GIT1: variants seen among roughly 807,000 people sequenced by gnomAD.
GIT1 encodes the protein ARF GTPase-activating protein GIT1.
GIT1 carries 14 observed loss-of-function variants against 91.7 expected under a neutral mutation model. The ratio of observed to expected loss-of-function variants is 0.15; its 90% CI spans 0.10 to 0.24. The LOEUF (loss-of-function observed/expected upper bound fraction) is 0.24, where lower values mean the gene tolerates loss of function less well. Among genes scored for constraint, GIT1 ranks in the 10% least tolerant of loss-of-function variants. The pLI, the probability that GIT1 is intolerant of heterozygous loss-of-function variation, is 1.00. For missense variants in GIT1, 717 were observed against 1,024.9 expected, an observed-to-expected ratio of 0.70 and a Z score of 4.10; for synonymous variants, 414 against 418.2, an observed-to-expected ratio of 0.99 and a Z score of 0.12.
At position 29,575,150 on chromosome 17, in the gene GIT1, G is replaced by A; in HGVS notation, c.2010-8C>T. On this transcript the variant is annotated splice_region_variant and splice_polypyrimidine_tract_variant and intron_variant, in intron 18 of 19. Transcript: ENST00000225394. This position sits in a 1 kb window ranked among gnomAD's most constrained non-coding sequence, Gnocchi z 5.5. ...TCTGAGCAGGGCACGAAGCTGCGGG[G>A]AGAAGGGAGGCTATAAAGCAGGGGG... 6.3e-7 allele frequency: 1 copy of A among 1,593,588 alleles called. No homozygotes were observed. The highest frequency in any genetic ancestry group is 8.6e-7 in the Non-Finnish European group (1 of 1,166,858).
chr17:29,575,979 C>A lies in GIT1; in HGVS notation c.1666-81G>T. The A allele has an allele frequency of 2.0e-6, 3 of 1,531,526 alleles. No individual in the cohort carries two copies. The highest frequency in any genetic ancestry group is 2.7e-6 in the Non-Finnish European group (3 of 1,107,362). The allele number at this position is 1,531,526 out of a possible 1,614,324, so 94.9% of individuals were successfully genotyped here. A position where few individuals can be genotyped will look rare whatever the true frequency, so the allele number is the denominator to read the frequency against. ...ACCAGCAGTGCAGCAGGGACCAGGT[C>A]AGTCTAATCATCTTAAGCCCCGAAT... On this transcript the variant is annotated intron_variant, in intron 15 of 19. Coordinates refer to ENST00000225394, the MANE Select transcript of GIT1 (RefSeq NM_014030.4). The surrounding 1 kb of genome is among the most constrained non-coding windows in gnomAD (Gnocchi z 5.5).
At chr17:29,587,797 G>T (rs564609417) in intron 1 of GIT1, among the ~76,000 whole-genome samples, 1 of 152,262 alleles carries the variant, frequency 6.6e-6, no homozygotes, top group Non-Finnish European at 1.5e-5. Flanking sequence ...CTAAGCCCCA[G>T]ACTCCCCCGA....
Position 29,574,633 on chromosome 17 carries a change from T to C in GIT1, c.*69A>G. The C allele has an allele frequency of 8.0e-7, 1 of 1,245,468 alleles. No individual in the cohort carries two copies. Among genetic ancestry groups the C allele is most frequent in the Non-Finnish European group, 1.2e-6 (1 of 850,308 alleles). The allele number at this position is 1,245,468 out of a possible 1,614,324, so 77.2% of individuals were successfully genotyped here. A position where few individuals can be genotyped will look rare whatever the true frequency, so the allele number is the denominator to read the frequency against. ...GTGGCTCTGTTGGGGTGGGGATTAA[T>C]GTCTGGAGTGGCCCAGCTCCTATGG... On this transcript the variant is annotated 3_prime_UTR_variant, in exon 20 of 20. Coordinates refer to ENST00000225394, the MANE Select transcript of GIT1 (RefSeq NM_014030.4).
chr17:29,575,886 C>A lies in GIT1; in HGVS notation c.1678G>T (p.Val560Leu), dbSNP rs764051634. 6.2e-7 allele frequency: 1 copy of A among 1,608,676 alleles called. No individual in the cohort carries two copies. Among genetic ancestry groups the A allele is most frequent in the Admixed American group, 1.7e-5 (1 of 59,150 alleles). ...GTGAAGGGCACAGCTGAGGCAGACA[C>A]CCCTTTCCGGATCTGAAACCCAGGG... ...PAGLYRIRKG[V>L]SASAVPFTPS... Residue 560 changes from valine (V) to leucine (L), a missense_variant, in exon 16 of 20, where the codon GTG becomes TTG. By Grantham distance (32) the Val-to-Leu change is conservative. This residue lies in a region of GIT1 where 312 missense variants were observed against 349.5 expected (regional missense o/e 0.89). Transcript: ENST00000225394. This position sits in a 1 kb window ranked among gnomAD's most constrained non-coding sequence, Gnocchi z 5.5.
In GIT1 at chr17:29,574,859, T is replaced by A. The variant is rs375882746; in HGVS notation, c.2129A>T (p.Tyr710Phe). The A allele has an allele frequency of 6.3e-7, 1 of 1,596,732 alleles. No homozygotes were observed. Among genetic ancestry groups the A allele is most frequent in the African/African-American group, 1.3e-5 (1 of 74,696 alleles). The stretch of plus-strand genomic sequence containing the variant: ...CTTCCGGCACTCACTCTGCAGCCGG[T>A]AGGCGCTGGCGTTGAGCAGCCGCAG... ...SSLRLLNASAYRLQSECRKTV... is the reference protein window; with the variant it reads ...SSLRLLNASAFRLQSECRKTV... Residue 710 changes from tyrosine (Y) to phenylalanine (F), a missense_variant, in exon 20 of 20, where the codon TAC becomes TTC. Physicochemically the swap from Tyr to Phe is conservative, Grantham distance 22. Coordinates refer to ENST00000225394, the MANE Select transcript of GIT1 (RefSeq NM_014030.4).
Position 29,576,897 on chromosome 17 carries a change from C to T in GIT1, c.1193G>A (p.Arg398His), listed in dbSNP as rs1435341997. Reference sequence around the variant, plus strand: ...GTTGCTCCGAGTGGCGCCGGTGCTGCGCAGGGGCTCCTGGTCTGTGTCCTC... The same window carrying T: ...GTTGCTCCGAGTGGCGCCGGTGCTGTGCAGGGGCTCCTGGTCTGTGTCCTC... ...SDEDTDQEPL[R>H]STGATRSNRA... The change falls in exon 12 of 20, where the codon CGC becomes CAC. Residue 398 changes from arginine to histidine, a missense_variant. This residue lies in a region of GIT1 where 312 missense variants were observed against 349.5 expected (regional missense o/e 0.89). Coordinates refer to ENST00000225394, the MANE Select transcript of GIT1 (RefSeq NM_014030.4). 2 of 1,576,438 alleles carry T rather than the reference C, an allele frequency of 1.3e-6. No homozygotes were observed. Among genetic ancestry groups the T allele is most frequent in the South Asian group, 1.1e-5 (1 of 87,738 alleles).
In GIT1 at chr17:29,574,879, C is replaced by A. The variant is rs1156897610; in HGVS notation, c.2109G>T (p.Arg703=). 1 of 1,579,592 alleles carries A rather than the reference C, an allele frequency of 6.3e-7. No individual in the cohort carries two copies. The highest frequency in any genetic ancestry group is 8.6e-7 in the Non-Finnish European group (1 of 1,165,998). Reference sequence around the variant, plus strand: ...GCCGGTAGGCGCTGGCGTTGAGCAGCCGCAGTGAGCTCCGCACTGGCTCCA... The same window carrying A: ...GCCGGTAGGCGCTGGCGTTGAGCAGACGCAGTGAGCTCCGCACTGGCTCCA... ...PALEPVRSSL[R]LLNASAYRLQ... Residue 703 remains arginine, a synonymous_variant, in exon 20 of 20, where the codon CGG becomes CGT. Coordinates refer to ENST00000225394, the MANE Select transcript of GIT1 (RefSeq NM_014030.4).
In GIT1 at chr17:29,574,700, G is replaced by A; in HGVS notation, c.*2C>T. On this transcript the variant is annotated 3_prime_UTR_variant, in exon 20 of 20. Transcript: ENST00000225394. ...GTGCAGGTGAGGGTGTGGGGAGAGA[G>A]GTCACTGCTTCTTCTCTCGGGTGGT... 1 of 1,608,030 alleles carries A rather than the reference G, an allele frequency of 6.2e-7. No homozygotes were observed. The highest frequency in any genetic ancestry group is 1.1e-5 in the South Asian group (1 of 90,894).
At position 29,581,843 on chromosome 17, in the gene GIT1, G is replaced by C. The variant is rs1165406823; in HGVS notation, c.624-7C>G. ...CTCATGGTGCCCCGCCTGCCTGTGA[G>C]GAGGGGGTATGGCTCAGACCTGCAG... On this transcript the variant is annotated splice_polypyrimidine_tract_variant and splice_region_variant and intron_variant, in intron 5 of 19. Coordinates refer to ENST00000225394, the MANE Select transcript of GIT1 (RefSeq NM_014030.4). The surrounding 1 kb of genome is among the most constrained non-coding windows in gnomAD (Gnocchi z 4.8). The C allele has an allele frequency of 6.2e-7, 1 of 1,612,332 alleles. No homozygotes were observed. The highest frequency in any genetic ancestry group is 2.2e-5 in the East Asian group (1 of 44,824).
chr17:29,576,805 C>G, intron 12 of GIT1, 58 bp downstream of exon 12: 1 of 1,575,402 alleles, frequency 6.3e-7, no homozygotes, highest in Non-Finnish European at 8.6e-7. Flanking sequence ...CAGAGCTGGG[C>G]CTCAGCGAAG....
intron 1 of GIT1, among the ~76,000 whole-genome samples, chr17:29,586,201 C>T (rs2033589786): frequency 6.6e-6 from 1 of 152,230 alleles, no homozygotes; most frequent in African/African-American, 2.4e-5. Context: ...TGTTCTATAA[C>T]ATGCTTGTCT....
Position 29,582,981 on chromosome 17 carries a change from C to T in GIT1, c.243G>A (p.Leu81=), listed in dbSNP as rs368202284. Residue 81 remains leucine, a synonymous_variant, in exon 3 of 20, where the codon CTG becomes CTA. Coordinates refer to ENST00000225394, the MANE Select transcript of GIT1 (RefSeq NM_014030.4). ...GANSIWEHSL[L]DPAQVQSGRR... is the part of the protein sequence containing the mutation. ...GGCCGCTCTGCACTTGTGCGGGGTC[C>T]AGCAGGGAGTGCTCCCAGATGGAGT... 6.8e-5 allele frequency: 110 copies of T among 1,612,280 alleles called. No homozygotes were observed. The highest frequency in any genetic ancestry group is 8.5e-5 in the Non-Finnish European group (100 of 1,179,912).
chr17:29,575,865 A>G lies in GIT1; in HGVS notation c.1699T>C (p.Phe567Leu). ...RKGVSASAVP[F>L]TPSSPLLSCS... ...GACAGCAGCGGGGAGGAGGGAGTGA[A>G]GGGCACAGCTGAGGCAGACACCCCT... is the stretch of plus-strand genomic sequence containing the variant. Residue 567 changes from phenylalanine to leucine, a missense_variant, in exon 16 of 20, where the codon TTC becomes CTC. By Grantham distance (22) the Phe-to-Leu change is conservative (BLOSUM62 0). Transcript: ENST00000225394. This position sits in a 1 kb window ranked among gnomAD's most constrained non-coding sequence, Gnocchi z 5.5. 6.2e-7 allele frequency: 1 copy of G among 1,611,652 alleles called. No homozygotes were observed. Among genetic ancestry groups the G allele is most frequent in the East Asian group, 2.2e-5 (1 of 44,762 alleles).
intron 2 of GIT1, 21 bp from the exon 3 acceptor site, chr17:29,583,058 G>A (rs765283501): frequency 1.4e-6 from 2 of 1,457,914 alleles, no homozygotes; most frequent in East Asian, 4.5e-5. Flanking sequence ...GAGATGCCAA[G>A]TGAGAGAGTG....
chr17:29,579,350 C>A (rs1478120437), intron 7 of GIT1: 1 of 315,402 alleles, frequency 3.2e-6, no homozygotes, highest in East Asian at 6.4e-5. Flanking sequence ...TTCCACCCAG[C>A]AGCCAGGGTG....
intron 10 of GIT1, 51 bp downstream of exon 10, chr17:29,577,594 G>C: frequency 8.5e-7 from 1 of 1,175,970 alleles, no homozygotes; most frequent in Non-Finnish European, 1.3e-6. Flanking sequence ...GATGAGGAGG[G>C]ACCGCGGGGA....
intron 12 of GIT1, 21 bp from the exon 13 acceptor site, chr17:29,576,695 T>G (rs2033216520): frequency 1.2e-6 from 2 of 1,613,252 alleles, no homozygotes; most frequent in Non-Finnish European, 1.7e-6. Context: ...AGACCTAAGC[T>G]GGTCAGCACC....
intron 1 of GIT1, among the ~76,000 whole-genome samples, chr17:29,585,074 C>T (rs1317575257): frequency 1.3e-5 from 2 of 151,666 alleles, no homozygotes; most frequent in Non-Finnish European, 2.9e-5. Flanking sequence ...GAGGGATGCC[C>T]AAGGTGACCG....
intron 3 of GIT1, 46 bp from the exon 4 acceptor site, chr17:29,582,849 T>C (rs745570852): frequency 4.5e-6 from 7 of 1,560,874 alleles, no homozygotes; most frequent in Admixed American, 1.7e-5. Flanking sequence ...TGGGAGAGGG[T>C]GGTCACCTTG....
Sources: allele counts gnomAD v4.1 joint callset (sites outside exome capture counted in the v4.1 genomes callset), GRCh38; gene constraint gnomAD v4.1.1; regional missense constraint gnomAD v4.1.1; non-coding constraint Gnocchi (gnomAD v3.1); transcripts MANE v1.5; gene names NCBI Gene and HGNC (gene_info 2026-07-23, HGNC 2026-07-21).